HCRTR1: variants seen among roughly 807,000 people sequenced by gnomAD.
HCRTR1 encodes hypocretin receptor 1.
In HCRTR1, 28 loss-of-function variants were observed where a neutral mutation model predicts 40.6. That is an observed-to-expected ratio of 0.69 (90% confidence interval 0.51 to 0.95). The LOEUF is 0.95. HCRTR1 is among the 40% of genes least tolerant of loss of function. HCRTR1 has a pLI of 0.00. For synonymous variants in HCRTR1, 209 were observed against 230.0 expected (o/e 0.91, Z 0.83); for missense variants, 482 against 564.7 (o/e 0.85, Z 1.48).
rs1230604375 is a variant in HCRTR1, at chr1:31,627,613, A to G, written c.*633A>G. 4 of 333,962 alleles carry G rather than the reference A, an allele frequency of 1.2e-5. No homozygotes were observed. The highest frequency in any genetic ancestry group is 6.5e-5 in the African/African-American group (3 of 46,348). The allele number at this position is 333,962 out of a possible 1,614,324, so 20.7% of individuals were successfully genotyped here. A position where few individuals can be genotyped will look rare whatever the true frequency, so the allele number is the denominator to read the frequency against. On this transcript the variant is annotated 3_prime_UTR_variant, in exon 9 of 9. Transcript: ENST00000403528. ...ACTGTAATTAAAAGCCTGGCACTGA[A>G]TGTTCCCTTTCCTTGTCATTGCACA...
At chr1:31,630,832 T>G, downstream of HCRTR1, 1 of 1,608,752 alleles carries the variant, frequency 6.2e-7, no homozygotes, top group Non-Finnish European at 8.5e-7. Flanking sequence ...TGTAGCCCAT[T>G]TGGGACAGAG....
chr1:31,632,081 T>A (rs1640120482), downstream of HCRTR1, among the ~76,000 whole-genome samples: 1 of 152,178 alleles, frequency 6.6e-6, no homozygotes, highest in African/African-American at 2.4e-5. Context: ...AAAGAAACTG[T>A]CCACTAGCAG....
downstream of HCRTR1, chr1:31,632,348 T>G: frequency 2.2e-6 from 3 of 1,346,914 alleles, no homozygotes; most frequent in Non-Finnish European, 3.2e-6. Context: ...AAAGAAGGGG[T>G]GAGGGATGCA....
Position 31,619,003 on chromosome 1 carries a change from T to C in HCRTR1, c.-142-48T>C, listed in dbSNP as rs201193944. On this transcript the variant is annotated intron_variant, in intron 2 of 8. Transcript: ENST00000403528. ...AGCGCCTGGCACAATCCCTAATGTT[T>C]CCTTCCTTCTCTCTTTTCCCACTCC... 9.8e-4 allele frequency: 581 copies of C among 595,636 alleles called. 7 individuals carry two copies. The highest frequency in any genetic ancestry group is 7.8e-5 in the Non-Finnish European group (26 of 335,274). The allele number at this position is 595,636 out of a possible 1,614,324, so 36.9% of individuals were successfully genotyped here. A position where few individuals can be genotyped will look rare whatever the true frequency, so the allele number is the denominator to read the frequency against.
downstream of HCRTR1, chr1:31,630,182 A>G: frequency 4.1e-6 from 1 of 242,446 alleles, no homozygotes; most frequent in Non-Finnish European, 8.3e-6. Context: ...ATGCTTGGTC[A>G]GATTCCACTT....
chr1:31,622,193 C>T (rs1297056773), intron 6 of HCRTR1, among the ~76,000 whole-genome samples: 2 of 152,224 alleles, frequency 1.3e-5, no homozygotes, highest in African/African-American at 2.4e-5. Flanking sequence ...GCATTACAGA[C>T]TGACCCACGG....
chr1:31,626,834 C>T lies in HCRTR1; in HGVS notation c.1132C>T (p.Pro378Ser), dbSNP rs1383934109. Reference sequence around the variant, plus strand: ...TAAGGCTGCCTTCTCCTGCTGCCTGCCTGGCCTGGGTCCCTGCGGCTCTCT... The same window carrying T: ...TAAGGCTGCCTTCTCCTGCTGCCTGTCTGGCCTGGGTCCCTGCGGCTCTCT... Reference protein sequence around the residue: ...QFKAAFSCCLPGLGPCGSLKA... With the variant: ...QFKAAFSCCLSGLGPCGSLKA... The change falls in exon 9 of 9, where the codon CCT (proline) becomes TCT (serine). Residue 378 changes from proline to serine, a missense_variant. Coordinates refer to ENST00000403528, the MANE Select transcript of HCRTR1 (RefSeq NM_001525.3). The surrounding 1 kb of genome is among the most constrained non-coding windows in gnomAD (Gnocchi z 4.6). 6.2e-7 allele frequency: 1 copy of T among 1,614,110 alleles called. No homozygotes were observed. The highest frequency in any genetic ancestry group is 8.5e-7 in the Non-Finnish European group (1 of 1,180,012).
At chr1:31,624,463 A>G (rs953150221) in intron 7 of HCRTR1, among the ~76,000 whole-genome samples, 1 of 110,966 alleles carries the variant, frequency 9.0e-6, no homozygotes, top group Non-Finnish European at 2.2e-5. Flanking sequence ...AAAAAAAAAA[A>G]AAAAAAAAGC....
In HCRTR1 at chr1:31,627,355, C is replaced by A; in HGVS notation, c.*375C>A. On this transcript the variant is annotated 3_prime_UTR_variant, in exon 9 of 9. Transcript: ENST00000403528. ...CTGGAGTCTGCTCTAAAGGTCCCAA[C>A]AGGCATTTCCATCTTGTTCCATGGC... 1 of 1,302,672 alleles carries A rather than the reference C, an allele frequency of 7.7e-7. No homozygotes were observed. Among genetic ancestry groups the A allele is most frequent in the Non-Finnish European group, 1.0e-6 (1 of 997,498 alleles). The allele number at this position is 1,302,672 out of a possible 1,614,324, so 80.7% of individuals were successfully genotyped here. A position where few individuals can be genotyped will look rare whatever the true frequency, so the allele number is the denominator to read the frequency against.
At chr1:31,618,512 C>A (rs955156094) in intron 1 of HCRTR1, among the ~76,000 whole-genome samples, 3 of 152,030 alleles carry the variant, frequency 2.0e-5, no homozygotes, top group Non-Finnish European at 4.4e-5. Flanking sequence ...GTCTCTAACA[C>A]CTCCCTTGGC....
In HCRTR1 at chr1:31,619,305, A is replaced by G. The variant is rs1639799691; in HGVS notation, c.113A>G (p.Asp38Gly). ...GAGTTTCTCCGCTATCTGTGGCGCGATTATCTGTACCCAAAACAGTATGAG... is the reference window on the plus strand; with the variant it reads ...GAGTTTCTCCGCTATCTGTGGCGCGGTTATCTGTACCCAAAACAGTATGAG... Reference protein sequence around the residue: ...EDEFLRYLWRDYLYPKQYEWV... With the variant: ...EDEFLRYLWRGYLYPKQYEWV... Residue 38 changes from aspartate to glycine, a missense_variant, in exon 3 of 9, where the codon GAT becomes GGT. Transcript: ENST00000403528. The G allele has an allele frequency of 1.9e-6, 3 of 1,614,174 alleles. No individual in the cohort carries two copies. Among genetic ancestry groups the G allele is most frequent in the Non-Finnish European group, 2.5e-6 (3 of 1,180,024 alleles).
chr1:31,624,448 C>CAAAAAAGA (rs1639930152), intron 7 of HCRTR1, among the ~76,000 whole-genome samples: 1 of 111,046 alleles, frequency 9.0e-6, no homozygotes, highest in African/African-American at 5.0e-5. Flanking sequence ...ACAGCTGTCT[C>CAAAAAAGA]AAAAAAAAAA....
At position 31,623,669 on chromosome 1, in the gene HCRTR1, G is replaced by A; in HGVS notation, c.885G>A (p.Lys295=). 6.2e-7 allele frequency: 1 copy of A among 1,614,156 alleles called. No individual in the cohort carries two copies. Among genetic ancestry groups the A allele is most frequent in the Non-Finnish European group, 8.5e-7 (1 of 1,180,050 alleles). ...TGAAGCAGATGCGTGCACGGAGGAA[G>A]ACAGCCAAGATGCTGATGGTGGTGC... ...AEVKQMRARR[K]TAKMLMVVLL... is the part of the protein sequence containing the mutation. The change falls in exon 7 of 9, where the codon AAG becomes AAA. Residue 295 remains lysine, a synonymous_variant. Coordinates refer to ENST00000403528, the MANE Select transcript of HCRTR1 (RefSeq NM_001525.3).
chr1:31,633,044 C>T (rs1640156227), downstream of HCRTR1: 14 of 1,270,158 alleles, frequency 1.1e-5, no homozygotes, highest in South Asian at 1.8e-4. Context: ...TCCCCACAGT[C>T]CTCCCTGGTC....
chr1:31,624,733 G>A (rs1639937278), intron 7 of HCRTR1, among the ~76,000 whole-genome samples: 1 of 152,194 alleles, frequency 6.6e-6, no homozygotes, highest in South Asian at 2.1e-4. Flanking sequence ...ATGTTGCTGT[G>A]AGGATGGATG....
At chr1:31,623,434 G>T (rs539882375) in intron 6 of HCRTR1, 89 bp from the exon 7 acceptor site, 3 of 1,083,392 alleles carry the variant, frequency 2.8e-6, no homozygotes, top group Non-Finnish European at 4.0e-6. Context: ...CACCCTGCCC[G>T]GGGTCCAGCC....
At chr1:31,632,369 G>A, downstream of HCRTR1, 2 of 1,504,244 alleles carry the variant, frequency 1.3e-6, no homozygotes, top group South Asian at 1.1e-5. Flanking sequence ...GGCCTGCACT[G>A]AGAACAGCAT....
downstream of HCRTR1, chr1:31,632,517 A>G: frequency 6.2e-7 from 1 of 1,614,192 alleles, no homozygotes; most frequent in Middle Eastern, 1.6e-4. Flanking sequence ...CTGTGTAGCT[A>G]ATGGAGCCCG....
Position 31,626,692 on chromosome 1 carries a change from A to AT in HCRTR1, c.1088-98_1088-97insT. ...CCTCCCTCCCTCCCCGCCCCCTCAT[A>AT]GGCAGCTTGGCTGGAGCTGCGTGGG... On this transcript the variant is annotated intron_variant, in intron 8 of 8. Coordinates refer to ENST00000403528, the MANE Select transcript of HCRTR1 (RefSeq NM_001525.3). This position sits in a 1 kb window ranked among gnomAD's most constrained non-coding sequence, Gnocchi z 4.6. 7.0e-7 allele frequency: 1 copy of AT among 1,424,932 alleles called. No homozygotes were observed. 88.3% of individuals were successfully genotyped at this position (1,424,932 alleles called of 1,614,324 possible).
Sources: gnomAD v4.1 joint callset for allele counts (sites outside exome capture counted in the v4.1 genomes callset) on GRCh38, gnomAD v4.1.1 for gene constraint, Gnocchi (gnomAD v3.1) non-coding constraint, MANE v1.5 for transcripts, NCBI Gene and HGNC (gene_info 2026-07-23, HGNC 2026-07-21) for gene names.